Variants in DCC observed in about 807,000 individuals in gnomAD.
DCC encodes netrin receptor DCC.
DCC carries 58 observed loss-of-function variants against 172.5 expected under a neutral mutation model. The ratio of observed to expected loss-of-function variants is 0.34; its 90% CI spans 0.27 to 0.42. The LOEUF is 0.42. Ranked by LOEUF, DCC falls within the 10% of genes least tolerant of loss-of-function variation. The pLI, the probability that DCC is intolerant of heterozygous loss-of-function variation, is 1.00. For missense variants in DCC, 1,740 were observed against 1,791.0 expected, an observed-to-expected ratio of 0.97 and a Z score of 0.51; for synonymous variants, 709 against 644.5, an observed-to-expected ratio of 1.10 and a Z score of -1.52.
chr18:52,937,835 CTT>C (rs35513969), intron 5 of DCC, among the ~76,000 whole-genome samples: 1 of 151,626 alleles, frequency 6.6e-6, no homozygotes, highest in African/African-American at 2.4e-5. Flanking sequence ...CCACTTGTGA[CTT>C]TTTTTACTCC....
intron 2 of DCC, among the ~76,000 whole-genome samples, chr18:52,891,353 G>A (rs938988464): frequency 3.3e-5 from 5 of 152,058 alleles, no homozygotes; most frequent in Non-Finnish European, 7.4e-5. Flanking sequence ...TATTACATTA[G>A]TTTTGTTAAA....
intron 1 of DCC, among the ~76,000 whole-genome samples, chr18:52,541,875 G>GTGTGTA (rs1555695194): frequency 1.8e-4 from 21 of 115,188 alleles, no homozygotes; most frequent in South Asian, 5.9e-4. Context: ...GTGTGTGTGT[G>GTGTGTA]TATATATATA....
At chr18:53,187,082 A>G (rs563594851) in intron 9 of DCC, among the ~76,000 whole-genome samples, 1 of 152,206 alleles carries the variant, frequency 6.6e-6, no homozygotes, top group Non-Finnish European at 1.5e-5. Context: ...AGGGGACACA[A>G]ACATTCAAAG....
At chr18:52,952,109 C>T (rs553553389) in intron 5 of DCC, among the ~76,000 whole-genome samples, 2 of 152,246 alleles carry the variant, frequency 1.3e-5, no homozygotes, top group African/African-American at 2.4e-5. Flanking sequence ...TCTAACCTGA[C>T]ACACTGTTCA....
At chr18:53,481,355 A>T (rs552703519) in intron 25 of DCC, among the ~76,000 whole-genome samples, 3 of 152,276 alleles carry the variant, frequency 2.0e-5, no homozygotes, top group African/African-American at 7.2e-5. Flanking sequence ...AGGACTCTTT[A>T]CCATTATATT....
intron 19 of DCC, 57 bp downstream of exon 19, chr18:53,402,950 C>A: frequency 8.0e-7 from 1 of 1,248,052 alleles, no homozygotes; most frequent in Non-Finnish European, 1.2e-6. Flanking sequence ...TAATTGCTTA[C>A]CCCCTACATG....
At chr18:53,136,216 TATATAC>T (rs1174439554) in intron 7 of DCC, among the ~76,000 whole-genome samples, 1 of 151,808 alleles carries the variant, frequency 6.6e-6, no homozygotes, top group African/African-American at 2.4e-5. Flanking sequence ...TATCTATATA[TATATAC>T]ACACACACAC....
At chr18:52,841,419 C>T (rs976383418) in intron 2 of DCC, among the ~76,000 whole-genome samples, 3 of 149,978 alleles carry the variant, frequency 2.0e-5, no homozygotes, top group Non-Finnish European at 4.4e-5. Context: ...ACTTTTTAAA[C>T]TAAAATGTCT....
At chr18:52,949,457 G>A (rs765757086) in intron 5 of DCC, among the ~76,000 whole-genome samples, 6 of 152,122 alleles carry the variant, frequency 3.9e-5, no homozygotes, top group African/African-American at 1.4e-4. Context: ...AATACTCAAG[G>A]TTTTATCCTT....
chr18:53,132,820 A>G (rs1160368317), intron 7 of DCC, among the ~76,000 whole-genome samples: 1 of 152,060 alleles, frequency 6.6e-6, no homozygotes, highest in Non-Finnish European at 1.5e-5. Flanking sequence ...ATGGAGAAGG[A>G]CCCATCATTC....
chr18:52,703,766 G>A (rs1038358734), intron 1 of DCC, among the ~76,000 whole-genome samples: 7 of 148,472 alleles, frequency 4.7e-5, no homozygotes, highest in Admixed American at 2.7e-4. Flanking sequence ...TAACATGACT[G>A]TTGACTTAAA....
At chr18:53,098,473 C>T (rs201788471) in intron 7 of DCC, among the ~76,000 whole-genome samples, 2 of 152,102 alleles carry the variant, frequency 1.3e-5, no homozygotes, top group Non-Finnish European at 2.9e-5. Flanking sequence ...TTGAAGATTA[C>T]AAGCCAGTCA....
intron 2 of DCC, among the ~76,000 whole-genome samples, chr18:52,843,847 C>G (rs1269781432): frequency 6.6e-6 from 1 of 152,042 alleles, no homozygotes; most frequent in East Asian, 1.9e-4. Flanking sequence ...AGGACTAGCA[C>G]CAGAAAAGAA....
intron 2 of DCC, among the ~76,000 whole-genome samples, chr18:52,807,306 T>A (rs1239895272): frequency 3.3e-5 from 5 of 152,156 alleles, no homozygotes; most frequent in Admixed American, 1.3e-4. Context: ...AGATGCCCCA[T>A]CTGAGCATAC....
chr18:53,509,559 T>C (rs533472664), intron 27 of DCC, among the ~76,000 whole-genome samples: 86 of 152,282 alleles, frequency 5.6e-4, no homozygotes, highest in African/African-American at 1.9e-3. Context: ...TAGTTTGGAT[T>C]CTGAACAGAT....
chr18:52,964,676 T>C (rs2040899989), intron 5 of DCC, among the ~76,000 whole-genome samples: 1 of 152,160 alleles, frequency 6.6e-6, no homozygotes, highest in Admixed American at 6.6e-5. Context: ...TACTTAAAAT[T>C]TGCTTAGAAT....
In DCC at chr18:52,889,438, C is replaced by G. The variant is rs562636017; in HGVS notation, c.413-16606C>G. 2.1e-3 allele frequency among the ~76,000 whole-genome samples: 314 copies of G among 152,152 alleles called. 1 individual carries two copies. Among genetic ancestry groups the G allele is most frequent in the African/African-American group, 7.2e-3 (298 of 41,538 alleles). ...CACATACTACTCTAAATGTGCTGTG[C>G]TGGGCTGAGACTACAAAACAACTGA... On this transcript the variant is annotated intron_variant, in intron 2 of 28. Coordinates refer to ENST00000442544, the MANE Select transcript of DCC (RefSeq NM_005215.4).
intron 2 of DCC, among the ~76,000 whole-genome samples, chr18:52,761,850 A>G (rs1261209145): frequency 1.4e-5 from 2 of 146,362 alleles, no homozygotes; most frequent in African/African-American, 2.6e-5. Context: ...CAGAGCTTGC[A>G]GTGAGCCGAG....
chr18:53,144,937 T>G (rs866844179), intron 7 of DCC, among the ~76,000 whole-genome samples: 1 of 151,998 alleles, frequency 6.6e-6, no homozygotes, highest in African/African-American at 2.4e-5. Context: ...TTTATTGCTT[T>G]TATCCCCTAA....
Sources: gnomAD v4.1 joint callset for allele counts (sites outside exome capture counted in the v4.1 genomes callset) on GRCh38, gnomAD v4.1.1 for gene constraint, MANE v1.5 for transcripts, NCBI Gene and HGNC (gene_info 2026-07-23, HGNC 2026-07-21) for gene names.